The following FIG4 variants were observed in gnomAD, a reference collection of about 807,000 sequenced individuals.
FIG4 encodes the protein FIG4 phosphoinositide 5-phosphatase.
Under a neutral mutation model 118.6 loss-of-function variants are expected in FIG4, and 112 were observed. The ratio of observed to expected loss-of-function variants is 0.94; its 90% CI spans 0.81 to 1.11. The LOEUF is 1.11. Ranked by LOEUF, FIG4 falls within the 50% of genes least tolerant of loss-of-function variation. FIG4 has a pLI of 0.00. For synonymous variants in FIG4, 369 were observed against 381.2 expected (o/e 0.97, Z 0.37); for missense variants, 969 against 1,111.7 (o/e 0.87, Z 1.83).
chr6:109,785,987 A>G, intron 17 of FIG4: 2 of 360,202 alleles, frequency 5.6e-6, no homozygotes, highest in Non-Finnish European at 1.0e-5. Context: ...TAGCTAAAAC[A>G]CAAAGGGCAT....
chr6:109,737,174 G>A (rs181392622), intron 6 of FIG4, among the ~76,000 whole-genome samples: 9 of 152,258 alleles, frequency 5.9e-5, no homozygotes, highest in Non-Finnish European at 1.0e-4. Context: ...TTTGTCGAAG[G>A]TGAGATTATT....
chr6:109,710,296 G>A (rs1432751960), intron 1 of FIG4, among the ~76,000 whole-genome samples: 1 of 152,158 alleles, frequency 6.6e-6, no homozygotes, highest in Non-Finnish European at 1.5e-5. Context: ...TGCATCCCAG[G>A]GATAAAGCCT....
intron 10 of FIG4, among the ~76,000 whole-genome samples, chr6:109,757,964 C>T (rs1776974005): frequency 6.6e-6 from 1 of 152,036 alleles, no homozygotes; most frequent in African/African-American, 2.4e-5. Context: ...TAAGAGAGGG[C>T]ACAAACAGAT....
chr6:109,725,536 C>G (rs1003804315), intron 3 of FIG4, among the ~76,000 whole-genome samples: 1 of 152,124 alleles, frequency 6.6e-6, no homozygotes, highest in Non-Finnish European at 1.5e-5. Context: ...CAAGTTTTTG[C>G]TATTGTAAAA....
At chr6:109,727,355 C>T in intron 4 of FIG4, 90 bp downstream of exon 4, 1 of 1,067,612 alleles carries the variant, frequency 9.4e-7, no homozygotes, top group Non-Finnish European at 1.4e-6. Flanking sequence ...ATGGCATGGT[C>T]ATAGCTTGCT....
intron 1 of FIG4, 21 bp downstream of exon 1, chr6:109,691,522 G>T (rs1312390662): frequency 6.4e-7 from 1 of 1,556,742 alleles, no homozygotes; most frequent in Non-Finnish European, 8.7e-7. Flanking sequence ...CCTCGCGGCG[G>T]GGCGCAGGCG....
At chr6:109,804,268 C>G (rs1000359450) in intron 22 of FIG4, among the ~76,000 whole-genome samples, 12 of 151,966 alleles carry the variant, frequency 7.9e-5, no homozygotes, top group Non-Finnish European at 1.5e-4. Context: ...GTTAGTTTAC[C>G]AAATTATCAT....
intron 10 of FIG4, among the ~76,000 whole-genome samples, chr6:109,748,190 T>A (rs1204548931): frequency 6.6e-6 from 1 of 152,124 alleles, no homozygotes; most frequent in Non-Finnish European, 1.5e-5. Flanking sequence ...TGATCATGAT[T>A]TCTTAAATGG....
intron 3 of FIG4, among the ~76,000 whole-genome samples, chr6:109,726,508 T>C (rs1775821622): frequency 6.6e-6 from 1 of 152,176 alleles, no homozygotes; most frequent in African/African-American, 2.4e-5. Context: ...TGTAGCCTTG[T>C]AGTATGGTTT....
chr6:109,696,955 T>C lies in FIG4; in HGVS notation c.66+5454T>C, dbSNP rs528144688. The stretch of plus-strand genomic sequence containing the variant: ...TGATGGATATGCTAATTACCCTGAT[T>C]TGATCATTACACAGTGTACGCATGT... On this transcript the variant is annotated intron_variant, in intron 1 of 22. Transcript: ENST00000230124. Among the ~76,000 whole-genome samples, 5 of 152,338 alleles carry C rather than the reference T, an allele frequency of 3.3e-5. No individual in the cohort carries two copies. In the East Asian group the frequency reaches 9.6e-4, roughly 29 times the overall value.
rs758852260 is a variant in FIG4 at position 109,792,633 on chromosome 6, C to T, written c.2428C>T (p.Leu810Phe). Residue 810 changes from leucine to phenylalanine, a missense_variant, in exon 21 of 23, where the codon CTC becomes TTC. By Grantham distance (22) the Leu-to-Phe change is conservative. This residue lies in a region of FIG4 where 330 missense variants were observed against 348.1 expected (regional missense o/e 0.95). Transcript: ENST00000230124. ...ELYGINLSDGLSEEDFSIYSR... is the reference protein window; with the variant it reads ...ELYGINLSDGFSEEDFSIYSR... The stretch of plus-strand genomic sequence containing the variant: ...ATATGGAATTAACCTCTCAGATGGC[C>T]TCTCAGAAGAAGATTTCTCCATTTA... The T allele has an allele frequency of 1.3e-6, 2 of 1,599,114 alleles. No homozygotes were observed. Among genetic ancestry groups the T allele is most frequent in the South Asian group, 1.1e-5 (1 of 90,744 alleles).
intron 14 of FIG4, among the ~76,000 whole-genome samples, 189 bp from the exon 15 acceptor site, chr6:109,766,540 C>T (rs552100160): frequency 3.3e-5 from 5 of 152,234 alleles, no homozygotes; most frequent in African/African-American, 1.2e-4. Context: ...TTTTCTATGG[C>T]TTTGGTGTTT....
At chr6:109,764,344 A>G (rs1777213292) in intron 13 of FIG4, among the ~76,000 whole-genome samples, 1 of 152,000 alleles carries the variant, frequency 6.6e-6, no homozygotes, top group African/African-American at 2.4e-5. Context: ...AGTCTGAGGC[A>G]GGAGAATCGC....
intron 4 of FIG4, among the ~76,000 whole-genome samples, chr6:109,728,756 G>A (rs1775894440): frequency 6.6e-6 from 1 of 152,142 alleles, no homozygotes; most frequent in African/African-American, 2.4e-5. Context: ...TGATAGGAAG[G>A]CCTATATAGT....
chr6:109,734,479 T>G (rs542493599), intron 5 of FIG4, among the ~76,000 whole-genome samples: 47 of 149,400 alleles, frequency 3.1e-4, no homozygotes, highest in African/African-American at 1.1e-3. Flanking sequence ...ATATAGAGTA[T>G]AAATATATTT....
chr6:109,729,847 T>G (rs1775937390), intron 4 of FIG4, among the ~76,000 whole-genome samples: 1 of 151,434 alleles, frequency 6.6e-6, no homozygotes, highest in Non-Finnish European at 1.5e-5. Context: ...ACCAGTAATA[T>G]TTCCACACAC....
In FIG4 at chr6:109,762,209, T is replaced by C. The variant is rs778562073; in HGVS notation, c.1388+2T>C. 3 of 1,519,488 alleles carry C rather than the reference T, an allele frequency of 2.0e-6. No homozygotes were observed. In the Admixed American group the frequency reaches 5.0e-5, roughly 25 times the overall value. 94.1% of individuals were successfully genotyped at this position (1,519,488 alleles called of 1,614,324 possible). A position where few individuals can be genotyped will look rare whatever the true frequency, so the allele number is the denominator to read the frequency against. On this transcript the variant is annotated splice_donor_variant, in intron 12 of 22. Transcript: ENST00000230124. LOFTEE classifies it high-confidence loss of function. ...TAGCATTTTGCGGCCAGATGAAAAG[T>C]ATGTATGGTATTTTAAAACTTATAA...
At chr6:109,753,102 T>G (rs998870357) in intron 10 of FIG4, among the ~76,000 whole-genome samples, 5 of 152,182 alleles carry the variant, frequency 3.3e-5, no homozygotes, top group African/African-American at 1.2e-4. Flanking sequence ...GGGAATCCTT[T>G]CCCCATTGCT....
In FIG4 at chr6:109,691,340, G is replaced by T. The variant is rs1209957863; in HGVS notation, c.-96G>T. The T allele has an allele frequency of 2.5e-5, 24 of 978,372 alleles. No homozygotes were observed. Among genetic ancestry groups the T allele is most frequent in the Non-Finnish European group, 3.8e-5 (24 of 624,358 alleles). The allele number at this position is 978,372 out of a possible 1,614,324, so 60.6% of individuals were successfully genotyped here. The stretch of plus-strand genomic sequence containing the variant: ...GCCTAATGGGTGTTGTTCCTGGCTG[G>T]ACTTGATGTCCAGGGCCTGAGGGGT... On this transcript the variant is annotated 5_prime_UTR_variant, in exon 1 of 23. Transcript: ENST00000230124.
Sources: allele counts gnomAD v4.1 joint callset (sites outside exome capture counted in the v4.1 genomes callset), GRCh38; gene constraint gnomAD v4.1.1; regional missense constraint gnomAD v4.1.1; transcripts MANE v1.5; gene names NCBI Gene and HGNC (gene_info 2026-07-23, HGNC 2026-07-21).